The following ATP10B variants were observed in gnomAD, a reference collection of about 807,000 sequenced individuals.
The protein encoded by ATP10B is phospholipid-transporting ATPase VB.
Under a neutral mutation model 141.2 loss-of-function variants are expected in ATP10B, and 122 were observed. The observed-to-expected ratio is 0.86, with a 90% confidence interval of 0.75 to 1.00. ATP10B has a LOEUF of 1.00. Among genes scored for constraint, ATP10B ranks in the 50% least tolerant of loss-of-function variants. The probability of loss-of-function intolerance (pLI) is 0.00; values close to 1 mark genes in which losing one functional copy is unlikely to be tolerated. For synonymous variants in ATP10B, 685 were observed against 692.0 expected, an observed-to-expected ratio of 0.99 and a Z score of 0.16; for missense variants, 1,876 against 1,825.3, an observed-to-expected ratio of 1.03 and a Z score of -0.51.
At chr5:160,599,397 G>T (rs1489687362) in intron 21 of ATP10B, among the ~76,000 whole-genome samples, 1 of 152,202 alleles carries the variant, frequency 6.6e-6, no homozygotes, top group East Asian at 1.9e-4. Flanking sequence ...GATTTTGGAG[G>T]CAGAGAGGCC....
chr5:160,917,266 C>A, the ATP10B span, among the ~76,000 whole-genome samples: 15 of 93,564 alleles, frequency 1.6e-4, no homozygotes, highest in African/African-American at 8.0e-4. Context: ...TTCTAGGGTA[C>A]TTCTTTTTTT....
At chr5:160,693,109 A>C (rs532838250) in intron 3 of ATP10B, among the ~76,000 whole-genome samples, 15 of 152,314 alleles carry the variant, frequency 9.8e-5, no homozygotes, top group African/African-American at 3.6e-4. Flanking sequence ...AATGGTCAAA[A>C]AAGGGGCAAA....
rs774887503 is a variant in ATP10B at position 160,591,119 on chromosome 5, GA to G, written c.3584del (p.Phe1195SerfsTer28). The G allele has an allele frequency of 2.5e-6, 4 of 1,614,036 alleles. No homozygotes were observed. Among genetic ancestry groups the G allele is most frequent in the Non-Finnish European group, 3.4e-6 (4 of 1,179,942 alleles). Reference sequence around the variant, plus strand: ...AGAATGCATCCACCATAGAAATCCAGAAAGTCGACAGGTTATAGCACTGCCA... The same window carrying G: ...AGAATGCATCCACCATAGAAATCCAGAAGTCGACAGGTTATAGCACTGCCA... ...QNSECYNLST[F>X]WISMVDAFYQ... On this transcript the variant is annotated frameshift_variant, in exon 23 of 26. Coordinates refer to ENST00000327245, the MANE Select transcript of ATP10B (RefSeq NM_025153.3). LOFTEE classifies it high-confidence loss of function.
chr5:160,927,879 A>T, the ATP10B span, among the ~76,000 whole-genome samples: 1 of 152,244 alleles, frequency 6.6e-6, no homozygotes, highest in Non-Finnish European at 1.5e-5. Context: ...AGATGCTGTG[A>T]TCTGGGAAGC....
At chr5:160,834,886 T>C (rs1337815323) in intron 1 of ATP10B, among the ~76,000 whole-genome samples, 2 of 152,154 alleles carry the variant, frequency 1.3e-5, no homozygotes, top group Admixed American at 1.3e-4. Context: ...AGAATGAACT[T>C]AGTCTGTATG....
At position 160,569,488 on chromosome 5, in the gene ATP10B, G is replaced by C. The variant is rs775044803; in HGVS notation, c.3938+8C>G. ...TTTAGGAAAGAAACACAGCCCTAGTGCTCAAACCTTGGGAGAAGAGCAACA... is the reference window on the plus strand; with the variant it reads ...TTTAGGAAAGAAACACAGCCCTAGTCCTCAAACCTTGGGAGAAGAGCAACA... On this transcript the variant is annotated splice_region_variant and intron_variant, in intron 25 of 25. Transcript: ENST00000327245. 6.2e-7 allele frequency: 1 copy of C among 1,613,452 alleles called. No individual in the cohort carries two copies. The highest frequency in any genetic ancestry group is 1.6e-4 in the Middle Eastern group (1 of 6,074).
At chr5:160,856,178 A>C (rs1010084627), upstream of ATP10B, among the ~76,000 whole-genome samples, 1 of 151,890 alleles carries the variant, frequency 6.6e-6, no homozygotes, top group African/African-American at 2.4e-5. Context: ...GGACATCTTT[A>C]CTATTTGAAT....
At chr5:160,906,213 A>G in the ATP10B span, among the ~76,000 whole-genome samples, 1 of 152,156 alleles carries the variant, frequency 6.6e-6, no homozygotes, top group Non-Finnish European at 1.5e-5. Flanking sequence ...ATATTCTTCT[A>G]TCTTTCTTGT....
chr5:160,812,144 C>T (rs1434014138), intron 1 of ATP10B, among the ~76,000 whole-genome samples: 2 of 152,006 alleles, frequency 1.3e-5, no homozygotes, highest in East Asian at 3.9e-4. Flanking sequence ...AAAATTCTTC[C>T]AGGTCTTATT....
At chr5:160,581,070 T>C (rs1581146191) in intron 24 of ATP10B, among the ~76,000 whole-genome samples, 1 of 152,166 alleles carries the variant, frequency 6.6e-6, no homozygotes, top group Admixed American at 6.5e-5. Flanking sequence ...AGTGGTCTAT[T>C]TTGTTAATCT....
intron 13 of ATP10B, among the ~76,000 whole-genome samples, chr5:160,628,290 C>A (rs917358706): frequency 1.1e-4 from 16 of 151,574 alleles, no homozygotes; most frequent in Non-Finnish European, 2.2e-4. Flanking sequence ...GAGGCTGGGT[C>A]CCCCCACCCC....
At chr5:160,702,255 G>A (rs1257384570) in intron 3 of ATP10B, among the ~76,000 whole-genome samples, 1 of 152,158 alleles carries the variant, frequency 6.6e-6, no homozygotes, top group Non-Finnish European at 1.5e-5. Flanking sequence ...ATAATCCTAT[G>A]AGGTAAATTG....
At chr5:160,576,047 T>C (rs1755168865) in intron 24 of ATP10B, among the ~76,000 whole-genome samples, 1 of 152,252 alleles carries the variant, frequency 6.6e-6, no homozygotes, top group Non-Finnish European at 1.5e-5. Context: ...AGACTGCTCC[T>C]GCTTTCCAAC....
At chr5:160,895,849 T>C in the ATP10B span, among the ~76,000 whole-genome samples, 1 of 152,126 alleles carries the variant, frequency 6.6e-6, no homozygotes, top group Non-Finnish European at 1.5e-5. Flanking sequence ...ACAAACAGTC[T>C]CTTAGACCAC....
chr5:160,582,874 ATTGATACTTG>A (rs1176689498), intron 24 of ATP10B, among the ~76,000 whole-genome samples: 1 of 152,082 alleles, frequency 6.6e-6, no homozygotes, highest in Non-Finnish European at 1.5e-5. Context: ...CGATTCAGCT[ATTGATACTTG>A]TGTATGCTTC....
At chr5:160,682,840 C>T (rs1444078053) in intron 6 of ATP10B, among the ~76,000 whole-genome samples, 3 of 151,838 alleles carry the variant, frequency 2.0e-5, no homozygotes, top group Non-Finnish European at 4.4e-5. Flanking sequence ...GAGATTGAGA[C>T]CATCCTGGCT....
chr5:160,844,006 C>T (rs914063438), intron 1 of ATP10B, among the ~76,000 whole-genome samples: 4 of 151,830 alleles, frequency 2.6e-5, no homozygotes, highest in African/African-American at 9.7e-5. Flanking sequence ...TTACAAAGTA[C>T]AAAAATCTGT....
At chr5:160,798,744 A>ATTTTTTTT (rs35866347) in intron 1 of ATP10B, among the ~76,000 whole-genome samples, 2 of 102,502 alleles carry the variant, frequency 2.0e-5, no homozygotes, top group Non-Finnish European at 3.8e-5. Flanking sequence ...CTTTTTCTCT[A>ATTTTTTTT]TTTTTTTTTT....
At chr5:160,647,223 C>T (rs1760353736) in intron 8 of ATP10B, among the ~76,000 whole-genome samples, 1 of 152,168 alleles carries the variant, frequency 6.6e-6, no homozygotes, top group African/African-American at 2.4e-5. Flanking sequence ...TTAACGGAAC[C>T]CACAGAAGCT....
Sources: gnomAD v4.1 joint callset for allele counts (sites outside exome capture counted in the v4.1 genomes callset) on GRCh38, gnomAD v4.1.1 for gene constraint, MANE v1.5 for transcripts, NCBI Gene and HGNC (gene_info 2026-07-23, HGNC 2026-07-21) for gene names.